Variants in PDE3A observed in about 807,000 individuals in gnomAD.
PDE3A encodes cGMP-inhibited 3',5'-cyclic phosphodiesterase 3A.
Under a neutral mutation model 98.3 loss-of-function variants are expected in PDE3A, and 43 were observed. The observed-to-expected ratio is 0.44, with a 90% CI of 0.34 to 0.56. The LOEUF is 0.56. Among genes scored for constraint, PDE3A ranks in the 20% least tolerant of loss-of-function variants. PDE3A has a pLI of 0.01. For missense variants in PDE3A, 1,427 were observed against 1,440.7 expected (o/e 0.99, Z 0.15); for synonymous variants, 663 against 567.9 (o/e 1.17, Z -2.38).
intron 5 of PDE3A, among the ~76,000 whole-genome samples, chr12:20,627,011 C>T (rs1944276865): frequency 6.6e-6 from 1 of 152,024 alleles, no homozygotes. Flanking sequence ...TTGCATGTAT[C>T]TGAAGCAATC....
Position 20,397,813 on chromosome 12 carries a change from G to T in PDE3A, c.960+27569G>T, listed in dbSNP as rs556425333. Among the ~76,000 whole-genome samples, 20 of 152,132 alleles carry T rather than the reference G, an allele frequency of 1.3e-4. No individual in the cohort carries two copies. The South Asian group carries it at 3.7e-3, about 28-fold the overall frequency. On this transcript the variant is annotated intron_variant, in intron 1 of 15. Coordinates refer to ENST00000359062, the MANE Select transcript of PDE3A (RefSeq NM_000921.5). ...AAAATAGGCAACTCAGTAACAAAGA[G>T]AATCAGCTCATTTTCTTAGATGCTA...
intron 14 of PDE3A, 89 bp from the exon 15 acceptor site, chr12:20,653,858 G>T: frequency 7.4e-7 from 1 of 1,352,748 alleles, no homozygotes; most frequent in Non-Finnish European, 1.0e-6. Flanking sequence ...GTCAAGTAAA[G>T]AAGTTTGTGC....
In PDE3A at chr12:20,650,565, T is replaced by C; in HGVS notation, c.2890T>C (p.Trp964Arg). The C allele has an allele frequency of 6.2e-7, 1 of 1,610,700 alleles. No homozygotes were observed. The highest frequency in any genetic ancestry group is 8.5e-7 in the Non-Finnish European group (1 of 1,177,222). The part of the protein sequence containing the change: ...PAKCKELHLQ[W>R]TDGIVNEFYE... The stretch of plus-strand genomic sequence containing the variant: ...TAAATGTAAAGAACTCCATCTTCAG[T>C]GGACAGATGGTATTGTCAATGAATT... The change falls in exon 14 of 16, where the codon TGG (tryptophan) becomes CGG (arginine). Residue 964 changes from tryptophan (W) to arginine (R), a missense_variant. Trp to Arg is a moderately radical substitution (Grantham distance 101, BLOSUM62 -3). Transcript: ENST00000359062.
At chr12:20,474,319 G>GATAT (rs1185348164) in intron 1 of PDE3A, among the ~76,000 whole-genome samples, 1 of 151,864 alleles carries the variant, frequency 6.6e-6, no homozygotes, top group Non-Finnish European at 1.5e-5. Flanking sequence ...ACATATTTTC[G>GATAT]ATATGTGTCT....
rs1286225365 is a variant in PDE3A at position 20,478,217 on chromosome 12, A to G, written c.961-78443A>G. ...TTTATTCCTATTGACAGCTTGTCCCATGTAGGGGAGTCATGTTTGAAGGCA... is the reference window on the plus strand; with the variant it reads ...TTTATTCCTATTGACAGCTTGTCCCGTGTAGGGGAGTCATGTTTGAAGGCA... On this transcript the variant is annotated intron_variant, in intron 1 of 15. Coordinates refer to ENST00000359062, the MANE Select transcript of PDE3A (RefSeq NM_000921.5). Among the ~76,000 whole-genome samples, 4 of 152,140 alleles carry G rather than the reference A, an allele frequency of 2.6e-5. No homozygotes were observed. The South Asian group carries it at 6.2e-4, about 24-fold the overall frequency.
chr12:20,670,528 C>G (rs1160872288), intron 15 of PDE3A, among the ~76,000 whole-genome samples: 1 of 152,202 alleles, frequency 6.6e-6, no homozygotes, highest in Non-Finnish European at 1.5e-5. Flanking sequence ...CCAGCTAGAA[C>G]TCAGGATTAA....
chr12:20,406,950 A>C (rs924923974), intron 1 of PDE3A, among the ~76,000 whole-genome samples: 1 of 152,216 alleles, frequency 6.6e-6, no homozygotes, highest in Non-Finnish European at 1.5e-5. Flanking sequence ...TATTAAAGAC[A>C]TATTCTTTCC....
intron 1 of PDE3A, among the ~76,000 whole-genome samples, chr12:20,467,397 C>T (rs1381517503): frequency 6.6e-6 from 1 of 151,156 alleles, no homozygotes; most frequent in East Asian, 1.9e-4. Context: ...ATATTCCTGC[C>T]TAGTATTCTT....
chr12:20,630,195 C>A, intron 6 of PDE3A, 68 bp downstream of exon 6: 3 of 1,117,640 alleles, frequency 2.7e-6, no homozygotes, highest in Non-Finnish European at 4.1e-6. Context: ...GAAATACCTA[C>A]CACCAGCCCA....
chr12:20,666,949 G>C (rs956873735), intron 15 of PDE3A, among the ~76,000 whole-genome samples: 3 of 151,892 alleles, frequency 2.0e-5, no homozygotes, highest in Non-Finnish European at 4.4e-5. Flanking sequence ...TTGTTTTTCT[G>C]TTTTTAGTAA....
At chr12:20,661,537 G>C (rs557729256) in intron 15 of PDE3A, among the ~76,000 whole-genome samples, 2 of 152,234 alleles carry the variant, frequency 1.3e-5, no homozygotes, top group African/African-American at 4.8e-5. Context: ...TAATGGGCTG[G>C]GTTCAGGGTC....
chr12:20,551,592 C>T (rs990622567), intron 1 of PDE3A: 30 of 1,549,686 alleles, frequency 1.9e-5, no homozygotes, highest in Middle Eastern at 2.2e-4. Flanking sequence ...GCCACCTGTG[C>T]GGGGGCCGGC....
intron 1 of PDE3A, among the ~76,000 whole-genome samples, chr12:20,400,468 G>T (rs1944108474): frequency 7.4e-6 from 1 of 135,974 alleles, no homozygotes; most frequent in South Asian, 2.3e-4. Flanking sequence ...GTGCAGTGGC[G>T]CTATCACGGC....
chr12:20,516,454 A>G (rs1417424838), intron 1 of PDE3A, among the ~76,000 whole-genome samples: 1 of 152,204 alleles, frequency 6.6e-6, no homozygotes, highest in Non-Finnish European at 1.5e-5. Context: ...TACTTCACAT[A>G]TATTTTAAAT....
At chr12:20,569,496 A>G (rs1354216060) in intron 2 of PDE3A, among the ~76,000 whole-genome samples, 1 of 152,150 alleles carries the variant, frequency 6.6e-6, no homozygotes, top group African/African-American at 2.4e-5. Context: ...TTTGCAGAAC[A>G]AAATCACAGG....
chr12:20,651,715 T>C (rs375105339), intron 14 of PDE3A, among the ~76,000 whole-genome samples: 7 of 152,198 alleles, frequency 4.6e-5, no homozygotes, highest in African/African-American at 1.7e-4. Context: ...AACAAGAGAT[T>C]AGAATGAAAT....
intron 1 of PDE3A, among the ~76,000 whole-genome samples, chr12:20,556,382 TG>T (rs1942369057): frequency 6.6e-6 from 1 of 152,180 alleles, no homozygotes; most frequent in Admixed American, 6.5e-5. Flanking sequence ...AAGCTTTACA[TG>T]GTTTAACATC....
intron 2 of PDE3A, among the ~76,000 whole-genome samples, chr12:20,576,966 A>G (rs1942947877): frequency 1.3e-5 from 2 of 152,080 alleles, no homozygotes; most frequent in South Asian, 4.1e-4. Flanking sequence ...GGTCCCCCAA[A>G]TACAATGAAG....
intron 1 of PDE3A, among the ~76,000 whole-genome samples, chr12:20,522,193 T>A (rs1481048892): frequency 6.6e-6 from 1 of 152,098 alleles, no homozygotes; most frequent in Admixed American, 6.6e-5. Context: ...TCACGTCTGC[T>A]CTCTCATGTG....
Sources: gnomAD v4.1 joint callset for allele counts (sites outside exome capture counted in the v4.1 genomes callset) on GRCh38, gnomAD v4.1.1 for gene constraint, MANE v1.5 for transcripts, NCBI Gene and HGNC (gene_info 2026-07-23, HGNC 2026-07-21) for gene names.